CCPG1: variants seen among roughly 807,000 people sequenced by gnomAD.
CCPG1 encodes the protein cell cycle progression 1.
Under a neutral mutation model 81.3 loss-of-function variants are expected in CCPG1, and 46 were observed. That is an observed-to-expected ratio of 0.57 (90% confidence interval 0.45 to 0.72). CCPG1 has a LOEUF of 0.72. Ranked by LOEUF, CCPG1 falls within the 30% of genes least tolerant of loss-of-function variation. The probability of loss-of-function intolerance (pLI) is 0.00; values close to 1 mark genes in which losing one functional copy is unlikely to be tolerated. For missense variants in CCPG1, 902 were observed against 937.6 expected, an observed-to-expected ratio of 0.96 and a Z score of 0.50; for synonymous variants, 330 against 305.2, an observed-to-expected ratio of 1.08 and a Z score of -0.85.
chr15:55,383,217 G>T (rs946823639), intron 3 of CCPG1, among the ~76,000 whole-genome samples: 7 of 152,180 alleles, frequency 4.6e-5, no homozygotes, highest in African/African-American at 9.7e-5. Context: ...TTCGGTGATT[G>T]ACCAGGTATT....
Position 55,360,620 on chromosome 15 carries a change from C to A in CCPG1, c.1153G>T (p.Glu385Ter). 1 of 1,614,178 alleles carries A rather than the reference C, an allele frequency of 6.2e-7. No homozygotes were observed. The change falls in exon 8 of 9, where the codon GAA becomes TAA. Residue 385 changes from glutamate (E) to a stop codon, truncating the protein, a stop_gained. Transcript: ENST00000442196. LOFTEE classifies it high-confidence loss of function. ...GTTACTAGTCGTTCTCTCTCCAGTT[C>A]TCTCTTTAGCATCTTTGCTTCTGTC... ...LLTEAKMLKR[E>*]LERERLVTTA...
rs150268501 is a variant in CCPG1, at chr15:55,385,634, T to C, written c.141A>G (p.Gln47=). 4,476 of 1,609,224 alleles carry C rather than the reference T, an allele frequency of 2.8e-3. 10 individuals are homozygous for C. Among genetic ancestry groups the C allele is most frequent in the Non-Finnish European group, 3.3e-3 (3,935 of 1,177,502 alleles). The change falls in exon 3 of 9, where the codon CAA becomes CAG. Residue 47 remains glutamine, a synonymous_variant. Transcript: ENST00000442196. Reference sequence around the variant, plus strand: ...CTATCTGCAATGCTTGAAGCTCCTCTTGCTCTAAAGATGAACATTCTGGGG... The same window carrying C: ...CTATCTGCAATGCTTGAAGCTCCTCCTGCTCTAAAGATGAACATTCTGGGG... ...EPAPECSSLE[Q]EELQALQIEQ... is the part of the protein sequence containing the mutation.
chr15:55,368,209 G>T (rs112815178), intron 6 of CCPG1, among the ~76,000 whole-genome samples: 1 of 152,216 alleles, frequency 6.6e-6, no homozygotes, highest in African/African-American at 2.4e-5. Context: ...TGTATATCAA[G>T]GGATGACTAT....
At chr15:55,405,005 A>T (rs1595871699) in intron 1 of CCPG1, among the ~76,000 whole-genome samples, 1 of 151,932 alleles carries the variant, frequency 6.6e-6, no homozygotes, top group Non-Finnish European at 1.5e-5. Context: ...CGGACAGATC[A>T]CTTGAGGCCA....
At chr15:55,388,002 T>G (rs1204535584) in intron 2 of CCPG1, among the ~76,000 whole-genome samples, 1 of 151,438 alleles carries the variant, frequency 6.6e-6, no homozygotes, top group African/African-American at 2.4e-5. Flanking sequence ...AAATACAAAA[T>G]TAGTCGGGCG....
intron 7 of CCPG1, among the ~76,000 whole-genome samples, chr15:55,362,297 G>C (rs1023363499): frequency 6.2e-5 from 9 of 145,620 alleles, no homozygotes; most frequent in Non-Finnish European, 1.2e-4. Context: ...ATTTGAGTCA[G>C]AGCAGTCAAT....
intron 8 of CCPG1, 100 bp downstream of exon 8, chr15:55,359,439 G>T: frequency 6.8e-7 from 1 of 1,476,544 alleles, no homozygotes; most frequent in South Asian, 1.5e-5. Flanking sequence ...ACAACTCTTA[G>T]AAACGGTAAC....
intron 8 of CCPG1, chr15:55,356,903 C>G: frequency 2.0e-6 from 2 of 985,724 alleles, no homozygotes; most frequent in Non-Finnish European, 2.4e-6. Context: ...ACTGTCATCC[C>G]CTGGCCGCCC....
chr15:55,386,187 C>T (rs2056795284), intron 2 of CCPG1, among the ~76,000 whole-genome samples: 2 of 127,108 alleles, frequency 1.6e-5, no homozygotes, highest in African/African-American at 5.3e-5. Context: ...AAGCAAAATT[C>T]CGTCTCAAAA....
intron 5 of CCPG1, chr15:55,374,211 A>G (rs534102321): frequency 1.6e-6 from 2 of 1,289,024 alleles, no homozygotes; most frequent in Admixed American, 2.3e-5. Flanking sequence ...CCATCCCCAT[A>G]TGCACTCAGG....
At chr15:55,395,579 T>C (rs188184737) in intron 1 of CCPG1, among the ~76,000 whole-genome samples, 103 of 152,234 alleles carry the variant, frequency 6.8e-4, no homozygotes, top group Non-Finnish European at 1.2e-3. Flanking sequence ...GCTTTACATA[T>C]TCTGATCAGT....
rs759989171 is a variant in CCPG1, at chr15:55,359,748, G to C, written c.2025C>G (p.Asn675Lys). ...LKELDTFCHW[N>K]ELDQFINKFF... ...ACTTATTGATGAACTGATCAAGTTCGTTCCAGTGACAAAAAGTATCCAGTT... is the reference window on the plus strand; with the variant it reads ...ACTTATTGATGAACTGATCAAGTTCCTTCCAGTGACAAAAAGTATCCAGTT... The change falls in exon 8 of 9, where the codon AAC (asparagine) becomes AAG (lysine). Residue 675 changes from asparagine (N) to lysine (K), a missense_variant. This residue lies in a region of CCPG1 where 746 missense variants were observed against 728.6 expected (regional missense o/e 1.02). Transcript: ENST00000442196. 1 of 1,613,264 alleles carries C rather than the reference G, an allele frequency of 6.2e-7. No individual in the cohort carries two copies. Among genetic ancestry groups the C allele is most frequent in the East Asian group, 2.2e-5 (1 of 44,846 alleles).
chr15:55,404,340 G>A (rs906953874), intron 1 of CCPG1, among the ~76,000 whole-genome samples: 9 of 151,820 alleles, frequency 5.9e-5, no homozygotes, highest in Non-Finnish European at 1.2e-4. Context: ...GCTGATAGTA[G>A]CCAAAAAAAA....
At chr15:55,371,743 C>T (rs2056453776) in intron 6 of CCPG1, 50 bp downstream of exon 6, 2 of 1,568,352 alleles carry the variant, frequency 1.3e-6, no homozygotes, top group African/African-American at 1.3e-5. Context: ...CTCTTAAGTT[C>T]CTCTACACTA....
At chr15:55,399,263 C>CT (rs1434066983) in intron 1 of CCPG1, among the ~76,000 whole-genome samples, 1 of 151,970 alleles carries the variant, frequency 6.6e-6, no homozygotes, top group East Asian at 1.9e-4. Flanking sequence ...AGTTTTCCAT[C>CT]TTTTTTGTAC....
At position 55,376,904 on chromosome 15, in the gene CCPG1, A is replaced by C. The variant is rs550006531; in HGVS notation, c.454+45T>G. The stretch of plus-strand genomic sequence containing the variant: ...GGTAGAAAACAAGCCTTTATATAAA[A>C]TGTGGTCGTACATGTCTTTAAGTCT... On this transcript the variant is annotated intron_variant, in intron 5 of 8. Coordinates refer to ENST00000442196, the MANE Select transcript of CCPG1 (RefSeq NM_001204450.2). 3.0e-5 allele frequency: 42 copies of C among 1,382,530 alleles called. No individual in the cohort carries two copies. The East Asian group carries it at 9.1e-4, about 30-fold the overall frequency. The allele number at this position is 1,382,530 out of a possible 1,614,324, so 85.6% of individuals were successfully genotyped here.
chr15:55,382,541 G>A (rs1317115067), intron 3 of CCPG1, among the ~76,000 whole-genome samples: 10 of 142,968 alleles, frequency 7.0e-5, no homozygotes, highest in Admixed American at 2.2e-4. Flanking sequence ...ACAGAGTCTC[G>A]CTCTGTTGCC....
intron 6 of CCPG1, 76 bp from the exon 7 acceptor site, chr15:55,365,385 G>C (rs913078660): frequency 3.3e-5 from 28 of 858,750 alleles, no homozygotes; most frequent in Non-Finnish European, 3.1e-5. Context: ...TTTAATATTG[G>C]TAATCTGCAT....
At chr15:55,359,498 G>A in intron 8 of CCPG1, 41 bp downstream of exon 8, 1 of 1,535,838 alleles carries the variant, frequency 6.5e-7, no homozygotes, top group Non-Finnish European at 8.7e-7. Context: ...ATCTACAAAT[G>A]TTACAAACTA....
Sources: gnomAD v4.1 joint callset for allele counts (sites outside exome capture counted in the v4.1 genomes callset) on GRCh38, gnomAD v4.1.1 for gene constraint, gnomAD v4.1.1 regional missense constraint, MANE v1.5 for transcripts, NCBI Gene and HGNC (gene_info 2026-07-23, HGNC 2026-07-21) for gene names.